The following BCL9L variants were observed in gnomAD, a reference collection of about 807,000 sequenced individuals.
BCL9L encodes B-cell CLL/lymphoma 9-like protein.
A neutral mutation model predicts 99.4 loss-of-function variants in BCL9L; 19 were observed. The ratio of observed to expected loss-of-function variants is 0.19; its 90% CI spans 0.13 to 0.28. The LOEUF is 0.28. Ranked by LOEUF, BCL9L falls within the 10% of genes least tolerant of loss-of-function variation. The pLI is 1.00. For missense variants in BCL9L, 2,023 were observed against 2,101.6 expected (o/e 0.96, Z 0.73); for synonymous variants, 900 against 854.8 (o/e 1.05, Z -0.92).
chr11:118,898,840 G>C lies in BCL9L; in HGVS notation c.4075C>G (p.Leu1359Val), dbSNP rs1479094173. 1 of 1,614,112 alleles carries C rather than the reference G, an allele frequency of 6.2e-7. No homozygotes were observed. The highest frequency in any genetic ancestry group is 1.1e-5 in the South Asian group (1 of 91,088). The change falls in exon 10 of 10, where the codon CTC (leucine) becomes GTC (valine). Residue 1359 changes from leucine (L) to valine (V), a missense_variant. Transcript: ENST00000683865. ...PPKAQPPNLH[L>V]MNLQNMMAEQ... ...GCCATCATGTTCTGCAGGTTCATGA[G>C]ATGCAGATTAGGGGGCTGAGCCTTG...
At position 118,922,610 on chromosome 11, in the gene BCL9L, C is replaced by A. The variant is rs1941172182; in HGVS notation, c.-131+2628G>T. Among the ~76,000 whole-genome samples, 1 of 152,032 alleles carries A rather than the reference C, an allele frequency of 6.6e-6. No homozygotes were observed. Among genetic ancestry groups the A allele is most frequent in the African/African-American group, 2.4e-5 (1 of 41,392 alleles). ...CCAGGGAGAGCGGGCCTGGCAGAGG[C>A]TCCCTGCCCGCGGCACCCAGCCTGT... On this transcript the variant is annotated intron_variant, in intron 1 of 9. Coordinates refer to ENST00000683865, the MANE Select transcript of BCL9L (RefSeq NM_001378213.1). The surrounding 1 kb of genome is among the most constrained non-coding windows in gnomAD (Gnocchi z 6.2).
At chr11:118,923,013 C>T (rs1592007080) in intron 1 of BCL9L, among the ~76,000 whole-genome samples, 1 of 151,926 alleles carries the variant, frequency 6.6e-6, no homozygotes, top group East Asian at 1.9e-4. Context: ...GCCCCCAGCT[C>T]CTCCTATTGG....
At position 118,922,781 on chromosome 11, in the gene BCL9L, GC is replaced by G. The variant is rs1478554039; in HGVS notation, c.-131+2456del. ...TGCCATTCCCCTGTCACCCCTGGGT[GC>G]CCAGGCTCTTGAGCTACCTCACTCT... is the stretch of plus-strand genomic sequence containing the variant. On this transcript the variant is annotated intron_variant, in intron 1 of 9. Coordinates refer to ENST00000683865, the MANE Select transcript of BCL9L (RefSeq NM_001378213.1). The surrounding 1 kb of genome is among the most constrained non-coding windows in gnomAD (Gnocchi z 6.2). Among the ~76,000 whole-genome samples the G allele has an allele frequency of 6.6e-6, 1 of 152,114 alleles. No individual in the cohort carries two copies. The highest frequency in any genetic ancestry group is 1.5e-5 in the Non-Finnish European group (1 of 68,004).
intron 1 of BCL9L, among the ~76,000 whole-genome samples, chr11:118,924,974 T>C (rs908775110): frequency 2.0e-5 from 3 of 152,304 alleles, no homozygotes; most frequent in African/African-American, 7.2e-5. Context: ...CCGGCCTTGT[T>C]CTCTGCGCTA....
chr11:118,909,809 G>A (rs1940703333), intron 3 of BCL9L, 105 bp downstream of exon 3: 7 of 1,570,290 alleles, frequency 4.5e-6, no homozygotes, highest in Non-Finnish European at 6.1e-6. Context: ...AGGTGCCCAG[G>A]GCGGCTCCTC....
intron 1 of BCL9L, among the ~76,000 whole-genome samples, chr11:118,923,650 G>A (rs1941205704): frequency 6.6e-6 from 1 of 152,114 alleles, no homozygotes; most frequent in African/African-American, 2.4e-5. Flanking sequence ...CTGGATCCAA[G>A]ATTTTAGGTA....
intron 9 of BCL9L, 79 bp from the exon 10 acceptor site, chr11:118,899,587 C>G: frequency 4.5e-6 from 7 of 1,540,808 alleles, no homozygotes; most frequent in Non-Finnish European, 6.2e-6. Context: ...CTTCCCCACT[C>G]CCAAGCCAGG....
At position 118,922,731 on chromosome 11, in the gene BCL9L, G is replaced by A. The variant is rs759512014; in HGVS notation, c.-131+2507C>T. 6.6e-6 allele frequency among the ~76,000 whole-genome samples: 1 copy of A among 152,114 alleles called. No individual in the cohort carries two copies. ...AGGTCAGCACCCGGGCAGTGCCCAG[G>A]GCTCTGGCACAAGGAAGGAAGGGAT... On this transcript the variant is annotated intron_variant, in intron 1 of 9. Transcript: ENST00000683865. This position sits in a 1 kb window ranked among gnomAD's most constrained non-coding sequence, Gnocchi z 6.2.
In BCL9L at chr11:118,922,270, G is replaced by A. The variant is rs1941163815; in HGVS notation, c.-131+2968C>T. 6.6e-6 allele frequency among the ~76,000 whole-genome samples: 1 copy of A among 152,198 alleles called. No homozygotes were observed. The highest frequency in any genetic ancestry group is 2.1e-4 in the South Asian group (1 of 4,836). ...GCAGCCTTCAGGGCCGCCGAGCCAA[G>A]TGACATGCACCAGCTCAGGAGCTGC... On this transcript the variant is annotated intron_variant, in intron 1 of 9. Coordinates refer to ENST00000683865, the MANE Select transcript of BCL9L (RefSeq NM_001378213.1). The surrounding 1 kb of genome is among the most constrained non-coding windows in gnomAD (Gnocchi z 6.2).
chr11:118,910,693 G>C (rs371898578), intron 2 of BCL9L: 1 of 154,476 alleles, frequency 6.5e-6, no homozygotes, highest in African/African-American at 2.4e-5. Context: ...GGCAGCGAGC[G>C]GGAGGCGGAC....
Position 118,914,604 on chromosome 11 carries a change from ATGCCTGT to A in BCL9L, c.-77+4215_-77+4221del, listed in dbSNP as rs1940908612. Among the ~76,000 whole-genome samples, 1 of 2,320 alleles carries A rather than the reference ATGCCTGT, an allele frequency of 4.3e-4. No homozygotes were observed. Among genetic ancestry groups the A allele is most frequent in the Non-Finnish European group, 7.8e-4 (1 of 1,274 alleles). The allele number at this position is 2,320 out of a possible 152,430, so 1.5% of individuals were successfully genotyped here. A position where few individuals can be genotyped will look rare whatever the true frequency, so the allele number is the denominator to read the frequency against. Reference sequence around the variant, plus strand: ...GGGTGGGGGTGATGAGACAGGATGTATGCCTGTGACCTCTGCAGGGAGACAGAAGGCC... The same window carrying A: ...GGGTGGGGGTGATGAGACAGGATGTAGACCTCTGCAGGGAGACAGAAGGCC... On this transcript the variant is annotated intron_variant, in intron 2 of 9. Coordinates refer to ENST00000683865, the MANE Select transcript of BCL9L (RefSeq NM_001378213.1). This position sits in a 1 kb window ranked among gnomAD's most constrained non-coding sequence, Gnocchi z 4.4.
At position 118,902,587 on chromosome 11, in the gene BCL9L, G is replaced by A. The variant is rs1337604625; in HGVS notation, c.1156C>T (p.Pro386Ser). Residue 386 changes from proline (P) to serine (S), a missense_variant, in exon 8 of 10, where the codon CCT becomes TCT. Pro to Ser is a moderately conservative substitution (Grantham distance 74). Transcript: ENST00000683865. The surrounding 1 kb of genome is among the most constrained non-coding windows in gnomAD (Gnocchi z 7.8). ...GPALLGEAAAPGNGQRSLVGS... is the reference protein window; with the variant it reads ...GPALLGEAAASGNGQRSLVGS... ...ACCAGGCTGCGCTGCCCATTTCCAG[G>A]GGCGGCTGCCTCCCCCAGCAGGGCA... The A allele has an allele frequency of 3.1e-6, 5 of 1,600,332 alleles. No individual in the cohort carries two copies. The highest frequency in any genetic ancestry group is 2.7e-5 in the African/African-American group (2 of 75,044).
chr11:118,898,739 G>A lies in BCL9L; in HGVS notation c.4176C>T (p.Cys1392=). 1 of 1,613,404 alleles carries A rather than the reference G, an allele frequency of 6.2e-7. No individual in the cohort carries two copies. Among genetic ancestry groups the A allele is most frequent in the South Asian group, 1.1e-5 (1 of 91,042 alleles). ...CCAGCAAGGACATCTGTCCAGGGTG[G>A]CACATGGACATGTTGAGCCCCCGCT... is the stretch of plus-strand genomic sequence containing the variant. The part of the protein sequence containing the change: ...GVQRGLNMSM[C]HPGQMSLLGR... Residue 1392 remains cysteine (C), a synonymous_variant, in exon 10 of 10, where the codon TGC becomes TGT. Transcript: ENST00000683865.
chr11:118,915,379 G>A (rs1220125229), intron 2 of BCL9L, among the ~76,000 whole-genome samples: 1 of 152,156 alleles, frequency 6.6e-6, no homozygotes, highest in African/African-American at 2.4e-5. Flanking sequence ...CCAAATATGT[G>A]GGCATTTGGT....
Position 118,899,155 on chromosome 11 carries a change from G to A in BCL9L, c.3760C>T (p.His1254Tyr), listed in dbSNP as rs1252022508. 1.1e-5 allele frequency: 16 copies of A among 1,499,018 alleles called. No individual in the cohort carries two copies. Among genetic ancestry groups the A allele is most frequent in the Non-Finnish European group, 1.3e-5 (15 of 1,121,194 alleles). The allele number at this position is 1,499,018 out of a possible 1,614,324, so 92.9% of individuals were successfully genotyped here. A position where few individuals can be genotyped will look rare whatever the true frequency, so the allele number is the denominator to read the frequency against. The change falls in exon 10 of 10, where the codon CAC becomes TAC. Residue 1254 changes from histidine (H) to tyrosine (Y), a missense_variant. Physicochemically the swap from His to Tyr is moderately conservative, Grantham distance 83 (BLOSUM62 2). This residue lies in a region of BCL9L where 902 missense variants were observed against 888.2 expected (regional missense o/e 1.02). Transcript: ENST00000683865. ...GGCAGGGCCATGCCTGACGGGTAGT[G>A]CTGCTGCAGGCCAGGCCCCCCGCCC... ...GGGGGPGLQQ[H>Y]YPSGMALPPE...
chr11:118,909,411 T>A (rs1162289145), intron 3 of BCL9L, among the ~76,000 whole-genome samples: 1 of 152,026 alleles, frequency 6.6e-6, no homozygotes, highest in Non-Finnish European at 1.5e-5. Flanking sequence ...AAAGATCACA[T>A]CACGGGAGAG....
intron 5 of BCL9L, 143 bp downstream of exon 5, chr11:118,907,340 G>C: frequency 7.1e-7 from 1 of 1,400,462 alleles, no homozygotes; most frequent in South Asian, 1.3e-5. Flanking sequence ...TTGCAGTGTA[G>C]GGAGGGACAG....
Position 118,899,297 on chromosome 11 carries a change from TG to T in BCL9L, c.3617del (p.Pro1206GlnfsTer7). On this transcript the variant is annotated frameshift_variant, in exon 10 of 10. Coordinates refer to ENST00000683865, the MANE Select transcript of BCL9L (RefSeq NM_001378213.1). LOFTEE classifies it high-confidence loss of function. ...GGGCATTCAGGGAGTCGGGGCCCCCTGGGGCCATCATCATGGAGTTTTGAGG... is the reference window on the plus strand; with the variant it reads ...GGGCATTCAGGGAGTCGGGGCCCCCTGGGCCATCATCATGGAGTTTTGAGG... ...GPPQNSMMMA[P>X]GGPDSLNAPC... 1 of 1,534,754 alleles carries T rather than the reference TG, an allele frequency of 6.5e-7. No individual in the cohort carries two copies. The highest frequency in any genetic ancestry group is 8.8e-7 in the Non-Finnish European group (1 of 1,141,664).
chr11:118,901,506 C>G lies in BCL9L; in HGVS notation c.2237G>C (p.Arg746Pro). 3 of 1,614,028 alleles carry G rather than the reference C, an allele frequency of 1.9e-6. No homozygotes were observed. The highest frequency in any genetic ancestry group is 1.1e-5 in the South Asian group (1 of 91,082). Residue 746 changes from arginine (R) to proline (P), a missense_variant, in exon 8 of 10, where the codon CGG becomes CCG. Physicochemically the swap from Arg to Pro is moderately radical, Grantham distance 103 (BLOSUM62 -2). Coordinates refer to ENST00000683865, the MANE Select transcript of BCL9L (RefSeq NM_001378213.1). This position sits in a 1 kb window ranked among gnomAD's most constrained non-coding sequence, Gnocchi z 6.6. ...TPMGMEFGGG[R>P]GLLSPPMGQS... Reference sequence around the variant, plus strand: ...CCCCATGGGAGGGCTCAGGAGGCCCCGGCCTCCACCAAACTCCATGCCCAT... The same window carrying G: ...CCCCATGGGAGGGCTCAGGAGGCCCGGGCCTCCACCAAACTCCATGCCCAT...
Sources: gnomAD v4.1 joint callset for allele counts (sites outside exome capture counted in the v4.1 genomes callset) on GRCh38, gnomAD v4.1.1 for gene constraint, gnomAD v4.1.1 regional missense constraint, Gnocchi (gnomAD v3.1) non-coding constraint, MANE v1.5 for transcripts, NCBI Gene and HGNC (gene_info 2026-07-23, HGNC 2026-07-21) for gene names.